The following PCDHGA1 variants were observed in gnomAD, a reference collection of about 807,000 sequenced individuals.
PCDHGA1 encodes the protein protocadherin gamma subfamily A, 1.
A neutral mutation model predicts 58.0 loss-of-function variants in PCDHGA1; 32 were observed. The observed-to-expected ratio is 0.55, with a 90% CI of 0.42 to 0.74. PCDHGA1 has a LOEUF of 0.74. Among genes scored for constraint, PCDHGA1 ranks in the 30% least tolerant of loss-of-function variants. The pLI is 0.00. For synonymous variants in PCDHGA1, 498 were observed against 501.1 expected (o/e 0.99, Z 0.08); for missense variants, 1,205 against 1,182.3 (o/e 1.02, Z -0.28).
At chr5:141,392,559 A>T in intron 1 of PCDHGA1, 2 of 384,544 alleles carry the variant, frequency 5.2e-6, no homozygotes, top group Non-Finnish European at 4.6e-6. Context: ...ATCTCAGTGC[A>T]GTAACTATTT....
intron 1 of PCDHGA1, among the ~76,000 whole-genome samples, chr5:141,460,934 G>GTA (rs2099001529): frequency 2.7e-5 from 4 of 149,622 alleles, no homozygotes; most frequent in African/African-American, 9.9e-5. Context: ...ATGTGTGTGT[G>GTA]TATATATATG....
intron 1 of PCDHGA1, chr5:141,365,787 G>A (rs1764122554): frequency 1.2e-6 from 2 of 1,613,864 alleles, no homozygotes; most frequent in Middle Eastern, 1.6e-4. Context: ...GACAACGCTC[G>A]AGTCACCTAC....
At chr5:141,364,923 A>G (rs1286445808) in intron 1 of PCDHGA1, 1 of 1,613,974 alleles carries the variant, frequency 6.2e-7, no homozygotes, top group Non-Finnish European at 8.5e-7. Context: ...GTGTTGGAAC[A>G]GCCCCTAGAC....
In PCDHGA1 at chr5:141,394,244, C is replaced by T. The variant is rs371631729; in HGVS notation, c.2421+61139C>T. On this transcript the variant is annotated intron_variant, in intron 1 of 3. Coordinates refer to ENST00000517417, the MANE Select transcript of PCDHGA1 (RefSeq NM_018912.3). ...CCTCCATCTTTTCCTTGACTGCACA[C>T]GACCCCGACAGCCAGGAGAATGCCC... The T allele has an allele frequency of 1.5e-5, 25 of 1,613,938 alleles. No homozygotes were observed. In the African/African-American group the frequency reaches 2.3e-4, roughly 15 times the overall value.
chr5:141,487,771 T>C lies in PCDHGA1; in HGVS notation c.2422-7036T>C. The C allele has an allele frequency of 1.3e-6, 2 of 1,537,446 alleles. No homozygotes were observed. Among genetic ancestry groups the C allele is most frequent in the South Asian group, 2.4e-5 (2 of 82,456 alleles). ...ACTATGTGGTAGACGCTGTGCTTTGTAACTGTTTCGTGAATTAACCAGAGT... is the reference window on the plus strand; with the variant it reads ...ACTATGTGGTAGACGCTGTGCTTTGCAACTGTTTCGTGAATTAACCAGAGT... On this transcript the variant is annotated intron_variant, in intron 1 of 3. Coordinates refer to ENST00000517417, the MANE Select transcript of PCDHGA1 (RefSeq NM_018912.3). This position sits in a 1 kb window ranked among gnomAD's most constrained non-coding sequence, Gnocchi z 5.0.
intron 1 of PCDHGA1, chr5:141,341,489 T>A (rs1292718860): frequency 4.5e-6 from 7 of 1,568,532 alleles, no homozygotes; most frequent in Non-Finnish European, 5.2e-6. Context: ...CATATTTCCT[T>A]GAGGGTAGAG....
intron 1 of PCDHGA1, chr5:141,364,288 A>G (rs1051262701): frequency 5.9e-6 from 9 of 1,517,572 alleles, no homozygotes; most frequent in Non-Finnish European, 7.9e-6. Context: ...AGGAAACAGC[A>G]GGCTGAACCA....
Position 141,414,015 on chromosome 5 carries a change from A to T in PCDHGA1, c.2422-80792A>T. ...ACAGGGACGAAGGTGCCAATGGAGA[A>T]GTGACATATTCATTCCGAAAATTAC... On this transcript the variant is annotated intron_variant, in intron 1 of 3. Coordinates refer to ENST00000517417, the MANE Select transcript of PCDHGA1 (RefSeq NM_018912.3). 6.2e-7 allele frequency: 1 copy of T among 1,613,160 alleles called. No individual in the cohort carries two copies.
At position 141,487,362 on chromosome 5, in the gene PCDHGA1, C is replaced by T; in HGVS notation, c.2422-7445C>T. On this transcript the variant is annotated intron_variant, in intron 1 of 3. Transcript: ENST00000517417. The surrounding 1 kb of genome is among the most constrained non-coding windows in gnomAD (Gnocchi z 5.0). The stretch of plus-strand genomic sequence containing the variant: ...GGAGTCACATGCTTTCCTGCTGGCA[C>T]CTGTGCCTGTCTCACCAGATCTCGA... 3 of 1,614,200 alleles carry T rather than the reference C, an allele frequency of 1.9e-6. No homozygotes were observed. Among genetic ancestry groups the T allele is most frequent in the Non-Finnish European group, 2.5e-6 (3 of 1,180,044 alleles).
At chr5:141,356,046 G>A (rs1760087771) in intron 1 of PCDHGA1, 2 of 1,613,820 alleles carry the variant, frequency 1.2e-6, no homozygotes, top group Admixed American at 1.7e-5. Context: ...ATTCTTTCCG[G>A]AAAGTAAGAG....
At chr5:141,415,791 C>G (rs2095959265) in intron 1 of PCDHGA1, 4 of 1,341,886 alleles carry the variant, frequency 3.0e-6, no homozygotes, top group Admixed American at 8.1e-5. Context: ...GTAAAATTCA[C>G]CTAGTCTCAA....
intron 1 of PCDHGA1, chr5:141,395,179 A>C: frequency 6.2e-7 from 1 of 1,614,164 alleles, no homozygotes; most frequent in South Asian, 1.1e-5. Flanking sequence ...GAGAAAAATG[A>C]TTCTTTGTTA....
At chr5:141,365,390 A>G in intron 1 of PCDHGA1, 1 of 1,613,968 alleles carries the variant, frequency 6.2e-7, no homozygotes, top group Non-Finnish European at 8.5e-7. Flanking sequence ...CTCTCTGACC[A>G]GTTCGATCTC....
intron 1 of PCDHGA1, chr5:141,394,644 G>C (rs765703225): frequency 1.2e-6 from 2 of 1,613,358 alleles, no homozygotes; most frequent in Admixed American, 3.3e-5. Context: ...CCTGCTCAAG[G>C]CCAGCGAGCC....
At chr5:141,418,855 A>C in intron 1 of PCDHGA1, 1 of 1,614,042 alleles carries the variant, frequency 6.2e-7, no homozygotes, top group Non-Finnish European at 8.5e-7. Context: ...CACGGTGTAA[A>C]GTAATTGTAG....
intron 1 of PCDHGA1, chr5:141,360,426 G>A (rs763572902): frequency 2.5e-6 from 4 of 1,614,000 alleles, no homozygotes; most frequent in Non-Finnish European, 2.5e-6. Flanking sequence ...AGATATGCGG[G>A]AAGCAGCCTC....
chr5:141,425,869 C>G (rs1376765137), intron 1 of PCDHGA1, among the ~76,000 whole-genome samples: 1 of 152,198 alleles, frequency 6.6e-6, no homozygotes, highest in Non-Finnish European at 1.5e-5. Flanking sequence ...TATAGATTCC[C>G]ATCTCTAAGG....
chr5:141,407,027 CT>C (rs1297630291), intron 1 of PCDHGA1, among the ~76,000 whole-genome samples: 1 of 152,128 alleles, frequency 6.6e-6, no homozygotes, highest in Non-Finnish European at 1.5e-5. Context: ...AAATTCTATG[CT>C]AAACATGTGA....
intron 1 of PCDHGA1, chr5:141,362,463 C>G (rs745712262): frequency 6.2e-7 from 1 of 1,613,916 alleles, no homozygotes; most frequent in Non-Finnish European, 8.5e-7. Flanking sequence ...AATTGGTTCC[C>G]GCGCAAGATC....
Sources: allele counts gnomAD v4.1 joint callset (sites outside exome capture counted in the v4.1 genomes callset), GRCh38; gene constraint gnomAD v4.1.1; non-coding constraint Gnocchi (gnomAD v3.1); transcripts MANE v1.5; gene names NCBI Gene and HGNC (gene_info 2026-07-23, HGNC 2026-07-21).